The following SLCO4A1 variants were observed in gnomAD, a reference collection of about 807,000 sequenced individuals.
SLCO4A1 encodes the protein solute carrier organic anion transporter family member 4A1.
In SLCO4A1, 51 loss-of-function variants were observed where a neutral mutation model predicts 64.6. The observed-to-expected ratio is 0.79, with a 90% confidence interval of 0.63 to 1.00. The LOEUF is 1.00. Among genes scored for constraint, SLCO4A1 ranks in the 50% least tolerant of loss-of-function variants. SLCO4A1 has a pLI of 0.00. For missense variants in SLCO4A1, 919 were observed against 980.5 expected (o/e 0.94, Z 0.84); for synonymous variants, 471 against 444.9 (o/e 1.06, Z -0.74).
chr20:62,654,665 G>C (rs527378836), intron 1 of SLCO4A1, among the ~76,000 whole-genome samples: 8 of 152,320 alleles, frequency 5.3e-5, no homozygotes, highest in South Asian at 2.1e-4. Flanking sequence ...TTTGTGTTTT[G>C]GAGCCTCCCA....
intron 2 of SLCO4A1, among the ~76,000 whole-genome samples, chr20:62,683,434 G>A (rs147363839): frequency 2.4e-4 from 37 of 152,284 alleles, no homozygotes; most frequent in Non-Finnish European, 4.3e-4. Context: ...GGCGCTTGGC[G>A]GGACGGAAGC....
downstream of SLCO4A1, among the ~76,000 whole-genome samples, chr20:62,689,346 G>GCCCCGTGCCTCGCA (rs1988161636): frequency 6.6e-6 from 1 of 152,082 alleles, no homozygotes; most frequent in Non-Finnish European, 1.5e-5. Context: ...CCTGTCTCTT[G>GCCCCGTGCCTCGCA]GGCAGAGTGG....
Position 62,661,041 on chromosome 20 carries a change from C to CCCCCCCCCCCCCCCCCA in SLCO4A1, c.1010-23_1010-22insCCCCCCCCCCCCCCCCA. On this transcript the variant is annotated intron_variant, in intron 4 of 11. Transcript: ENST00000217159. The surrounding 1 kb of genome is among the most constrained non-coding windows in gnomAD (Gnocchi z 5.2). ...TCCGGGAGCCCCCAGCCCCCAGCCC[C>CCCCCCCCCCCCCCCCCA]AGCTCACTCTGTGCCCTTCCAGGCT... 11 of 1,424,134 alleles carry CCCCCCCCCCCCCCCCCA rather than the reference C, an allele frequency of 7.7e-6. No homozygotes were observed. Among genetic ancestry groups the CCCCCCCCCCCCCCCCCA allele is most frequent in the Admixed American group, 1.7e-5 (1 of 59,708 alleles). The allele number at this position is 1,424,134 out of a possible 1,614,324, so 88.2% of individuals were successfully genotyped here.
intron 11 of SLCO4A1, among the ~76,000 whole-genome samples, chr20:62,669,306 C>G (rs937026216): frequency 6.6e-6 from 1 of 152,340 alleles, no homozygotes; most frequent in East Asian, 1.9e-4. Context: ...CCCAGCAGCT[C>G]CAGCAAAGCC....
intron 2 of SLCO4A1, among the ~76,000 whole-genome samples, chr20:62,677,392 G>C (rs1458090360): frequency 6.6e-6 from 1 of 152,154 alleles, no homozygotes; most frequent in Admixed American, 6.5e-5. Flanking sequence ...GAGATCTGTT[G>C]GGGGATCTGT....
intron 10 of SLCO4A1, 79 bp from the exon 11 acceptor site, chr20:62,668,851 C>A: frequency 7.0e-7 from 1 of 1,424,150 alleles, no homozygotes; most frequent in South Asian, 1.3e-5. Context: ...GCCCATCATT[C>A]CAGGCCTCTT....
intron 1 of SLCO4A1, among the ~76,000 whole-genome samples, chr20:62,655,491 TA>T (rs1983512311): frequency 6.6e-6 from 1 of 152,128 alleles, no homozygotes; most frequent in African/African-American, 2.4e-5. Flanking sequence ...CCTTGGGCAG[TA>T]GGGGGGAGCT....
At chr20:62,687,190 GATGGAAAGGGCACCCCCAAACAGGAGC>G (rs1172226356), downstream of SLCO4A1, among the ~76,000 whole-genome samples, 114 of 148,862 alleles carry the variant, frequency 7.7e-4, no homozygotes, top group South Asian at 0.012. Flanking sequence ...AAACAGGAGC[GATGGAAAGGGCACCCCCAAACAGGAGC>G]GGGGGCCTCT....
At chr20:62,658,262 C>T (rs989098267) in intron 2 of SLCO4A1, among the ~76,000 whole-genome samples, 3 of 152,358 alleles carry the variant, frequency 2.0e-5, no homozygotes, top group Admixed American at 1.3e-4. Flanking sequence ...AGCGAGGGGA[C>T]GTCCCACCAC....
chr20:62,652,970 C>T (rs577110349), intron 1 of SLCO4A1, among the ~76,000 whole-genome samples: 1 of 152,352 alleles, frequency 6.6e-6, no homozygotes, highest in East Asian at 1.9e-4. Context: ...GGGGCTGCAT[C>T]CTCATTGCCA....
downstream of SLCO4A1, among the ~76,000 whole-genome samples, chr20:62,676,171 T>C (rs1374099704): frequency 6.6e-6 from 1 of 152,110 alleles, no homozygotes; most frequent in Admixed American, 6.5e-5. Flanking sequence ...TCCCAGCACT[T>C]TGGGAGGCTG....
chr20:62,659,882 G>T (rs547583631), intron 3 of SLCO4A1, among the ~76,000 whole-genome samples: 1 of 152,238 alleles, frequency 6.6e-6, no homozygotes, highest in Admixed American at 6.5e-5. Context: ...CCAGAGCTTG[G>T]ATGGGCTTCT....
intron 11 of SLCO4A1, among the ~76,000 whole-genome samples, chr20:62,669,481 G>C (rs937055970): frequency 1.3e-5 from 2 of 152,246 alleles, no homozygotes; most frequent in East Asian, 1.9e-4. Flanking sequence ...CCTCAGTCTG[G>C]GGGGCTGGCG....
At chr20:62,653,559 C>A (rs1000921084) in intron 1 of SLCO4A1, among the ~76,000 whole-genome samples, 1 of 152,210 alleles carries the variant, frequency 6.6e-6, no homozygotes, top group African/African-American at 2.4e-5. Flanking sequence ...TGTGTCCCCT[C>A]GCAGCCCCAT....
In SLCO4A1 at chr20:62,655,800, G is replaced by A. The variant is rs116526597; in HGVS notation, c.-96-559G>A. ...TTCCTGCACCTCCCAAACTCTGCAC[G>A]GAGAGGAGCTCCTTCCTCACGCCAA... is the stretch of plus-strand genomic sequence containing the variant. On this transcript the variant is annotated intron_variant, in intron 1 of 11. Coordinates refer to ENST00000217159, the MANE Select transcript of SLCO4A1 (RefSeq NM_016354.4). Among the ~76,000 whole-genome samples, 580 of 152,322 alleles carry A rather than the reference G, an allele frequency of 3.8e-3. 4 individuals carry two copies. Among genetic ancestry groups the A allele is most frequent in the African/African-American group, 0.013 (548 of 41,560 alleles).
chr20:62,658,042 C>A (rs140597147), intron 2 of SLCO4A1, among the ~76,000 whole-genome samples: 89 of 152,250 alleles, frequency 5.8e-4, no homozygotes, highest in Middle Eastern at 6.8e-3. Context: ...ACCCAGTGCA[C>A]GGCCCGCCTG....
downstream of SLCO4A1, among the ~76,000 whole-genome samples, chr20:62,675,284 G>A (rs954375187): frequency 3.9e-5 from 6 of 152,120 alleles, no homozygotes; most frequent in Admixed American, 2.0e-4. Flanking sequence ...TTCGTGGTGC[G>A]TGATGGATGA....
intron 5 of SLCO4A1, among the ~76,000 whole-genome samples, chr20:62,662,788 C>T: frequency 6.9e-6 from 1 of 144,610 alleles, no homozygotes; most frequent in Non-Finnish European, 1.5e-5. Context: ...CACTCCAGCC[C>T]CGTCACACCA....
intron 2 of SLCO4A1, among the ~76,000 whole-genome samples, chr20:62,679,200 T>G (rs1251568835): frequency 1.3e-5 from 2 of 152,104 alleles, no homozygotes; most frequent in African/African-American, 4.8e-5. Context: ...CAAGACTCTG[T>G]CTCAGACAAA....
Sources: allele counts gnomAD v4.1 joint callset (sites outside exome capture counted in the v4.1 genomes callset), GRCh38; gene constraint gnomAD v4.1.1; non-coding constraint Gnocchi (gnomAD v3.1); transcripts MANE v1.5; gene names NCBI Gene and HGNC (gene_info 2026-07-23, HGNC 2026-07-21).